Variants in PAAF1 observed in about 807,000 individuals in gnomAD.
The protein encoded by PAAF1 is proteasomal ATPase-associated factor 1.
A neutral mutation model predicts 52.8 loss-of-function variants in PAAF1; 46 were observed. The ratio of observed to expected loss-of-function variants is 0.87; its 90% CI spans 0.69 to 1.11. The LOEUF is 1.11. Among genes scored for constraint, PAAF1 ranks in the 50% most tolerant of loss-of-function variants. The pLI is 0.00. For synonymous variants in PAAF1, 178 were observed against 172.8 expected (o/e 1.03, Z -0.24); for missense variants, 424 against 477.4 (o/e 0.89, Z 1.04).
upstream of PAAF1, chr11:73,876,758 G>C: frequency 2.9e-6 from 1 of 348,596 alleles, no homozygotes; most frequent in Non-Finnish European, 5.2e-6. Flanking sequence ...GATGCTCACC[G>C]AACAGGTGGG....
intron 4 of PAAF1, among the ~76,000 whole-genome samples, chr11:73,895,517 G>A (rs531428293): frequency 6.6e-6 from 1 of 152,172 alleles, no homozygotes. Flanking sequence ...AAATGTTAGA[G>A]TTGATGGATA....
intron 10 of PAAF1, among the ~76,000 whole-genome samples, chr11:73,921,396 T>G (rs566150125): frequency 6.6e-6 from 1 of 151,994 alleles, no homozygotes; most frequent in South Asian, 2.1e-4. Context: ...TTTTGTACTT[T>G]TTTTTTTTGG....
intron 7 of PAAF1, among the ~76,000 whole-genome samples, chr11:73,911,837 T>C (rs560410597): frequency 5.3e-5 from 8 of 151,994 alleles, no homozygotes; most frequent in Non-Finnish European, 1.0e-4. Context: ...TTTCACCATG[T>C]TGGCCAGGCT....
At chr11:73,896,109 T>A (rs1277644557) in intron 4 of PAAF1, among the ~76,000 whole-genome samples, 3 of 151,780 alleles carry the variant, frequency 2.0e-5, no homozygotes, top group Non-Finnish European at 2.9e-5. Flanking sequence ...ACCCTGTCTT[T>A]AAAAAAAACA....
intron 3 of PAAF1, 77 bp downstream of exon 3, chr11:73,887,534 A>G: frequency 1.1e-6 from 1 of 923,134 alleles, no homozygotes; most frequent in Non-Finnish European, 1.6e-6. Flanking sequence ...AGATATTTAT[A>G]CTATTATCTG....
In PAAF1 at chr11:73,906,925, G is replaced by A. The variant is rs906934906; in HGVS notation, c.533-2474G>A. 9.2e-5 allele frequency among the ~76,000 whole-genome samples: 14 copies of A among 152,230 alleles called. No individual in the cohort carries two copies. The South Asian group carries it at 1.2e-3, about 14-fold the overall frequency. ...TTATTGGGCACCTATACTAAGCATCGTTAAATGGGTTTTAATGAAACAAAT... is the reference window on the plus strand; with the variant it reads ...TTATTGGGCACCTATACTAAGCATCATTAAATGGGTTTTAATGAAACAAAT... On this transcript the variant is annotated intron_variant, in intron 6 of 11. Coordinates refer to ENST00000310571, the MANE Select transcript of PAAF1 (RefSeq NM_025155.3).
At chr11:73,927,217 T>G in intron 11 of PAAF1, 68 bp from the exon 12 acceptor site, 2 of 1,196,030 alleles carry the variant, frequency 1.7e-6, no homozygotes, top group Non-Finnish European at 2.5e-6. Context: ...GTGTCAATCA[T>G]AAGCCTCCAT....
chr11:73,902,737 C>G (rs1949656480), intron 6 of PAAF1, among the ~76,000 whole-genome samples: 1 of 152,152 alleles, frequency 6.6e-6, no homozygotes, highest in Non-Finnish European at 1.5e-5. Context: ...CACTCTGTCT[C>G]CTAGGCTGGG....
In PAAF1 at chr11:73,896,428, A is replaced by C. The variant is rs545149630; in HGVS notation, c.283-2718A>C. Among the ~76,000 whole-genome samples, 335 of 151,286 alleles carry C rather than the reference A, an allele frequency of 2.2e-3. 1 individual carries two copies. The highest frequency in any genetic ancestry group is 7.7e-3 in the African/African-American group (319 of 41,184). Reference sequence around the variant, plus strand: ...GTGAACAAAGGTCTCTGGTTTTCCTAGGCAGAGGACCCTGCGGCCTTCCGC... The same window carrying C: ...GTGAACAAAGGTCTCTGGTTTTCCTCGGCAGAGGACCCTGCGGCCTTCCGC... On this transcript the variant is annotated intron_variant, in intron 4 of 11. Transcript: ENST00000310571.
At chr11:73,914,994 T>C (rs1285613595) in intron 8 of PAAF1, among the ~76,000 whole-genome samples, 3 of 152,116 alleles carry the variant, frequency 2.0e-5, no homozygotes, top group African/African-American at 7.2e-5. Flanking sequence ...TGTGAGCCAC[T>C]GAGCCCAGCC....
chr11:73,894,948 C>T (rs2135155799), intron 4 of PAAF1, among the ~76,000 whole-genome samples: 1 of 152,308 alleles, frequency 6.6e-6, no homozygotes, highest in East Asian at 1.9e-4. Flanking sequence ...TGTGCCATTG[C>T]ATTCCAGGCT....
In PAAF1 at chr11:73,927,418, AG is replaced by A. The variant is rs896424154; in HGVS notation, c.*57del. 4.8e-5 allele frequency: 67 copies of A among 1,388,368 alleles called. No individual in the cohort carries two copies. Among genetic ancestry groups the A allele is most frequent in the Non-Finnish European group, 6.2e-5 (61 of 978,414 alleles). 86.0% of individuals were successfully genotyped at this position (1,388,368 alleles called of 1,614,324 possible). ...AAAGGTTTGACCCTGATCAACAATG[AG>A]CAGAAACATCATCAGTCCTTCCCAA... is the stretch of plus-strand genomic sequence containing the variant. On this transcript the variant is annotated 3_prime_UTR_variant, in exon 12 of 12. Coordinates refer to ENST00000310571, the MANE Select transcript of PAAF1 (RefSeq NM_025155.3).
intron 6 of PAAF1, among the ~76,000 whole-genome samples, chr11:73,904,128 TTGTG>T (rs1186833499): frequency 1.3e-5 from 2 of 149,958 alleles, no homozygotes; most frequent in African/African-American, 4.9e-5. Context: ...GGTCCCCCAA[TTGTG>T]TGTGTGTGTG....
chr11:73,892,736 T>C (rs772614790), intron 4 of PAAF1, among the ~76,000 whole-genome samples: 47 of 152,196 alleles, frequency 3.1e-4, no homozygotes, highest in Non-Finnish European at 4.3e-4. Flanking sequence ...CTCGGCTCAC[T>C]GCAAGCTCCA....
At chr11:73,896,253 TC>T (rs1407500411) in intron 4 of PAAF1, among the ~76,000 whole-genome samples, 14 of 136,348 alleles carry the variant, frequency 1.0e-4, no homozygotes, top group South Asian at 2.6e-4. Flanking sequence ...ATATCTGAAC[TC>T]TTTTTTTTTT....
At chr11:73,887,567 G>A in intron 3 of PAAF1, 110 bp downstream of exon 3, 1 of 645,714 alleles carries the variant, frequency 1.5e-6, no homozygotes, top group Non-Finnish European at 2.4e-6. Context: ...TCATTTGTAT[G>A]AGAATCATAG....
chr11:73,909,666 T>A, intron 7 of PAAF1, 73 bp downstream of exon 7: 2 of 1,385,398 alleles, frequency 1.4e-6, no homozygotes, highest in South Asian at 2.5e-5. Context: ...AGTTTCTCCT[T>A]TTCTTCCTCA....
At chr11:73,879,934 A>T (rs1208235325) in intron 2 of PAAF1, 1 of 151,850 alleles carries the variant, frequency 6.6e-6, no homozygotes, top group Admixed American at 6.6e-5. Context: ...TAGTGCTGTG[A>T]CTTGCCAATC....
intron 4 of PAAF1, among the ~76,000 whole-genome samples, chr11:73,897,175 T>A (rs61901162): frequency 9.7e-6 from 1 of 102,850 alleles, no homozygotes; most frequent in African/African-American, 3.8e-5. Context: ...CGGCTGGCCG[T>A]GCGGGGGGCT....
Sources: allele counts gnomAD v4.1 joint callset (sites outside exome capture counted in the v4.1 genomes callset), GRCh38; gene constraint gnomAD v4.1.1; transcripts MANE v1.5; gene names NCBI Gene and HGNC (gene_info 2026-07-23, HGNC 2026-07-21).